The following RNF212 variants were observed in gnomAD, a reference collection of about 807,000 sequenced individuals.
The protein encoded by RNF212 is probable E3 SUMO-protein ligase RNF212.
RNF212 carries 33 observed loss-of-function variants against 34.7 expected under a neutral mutation model. The observed-to-expected ratio is 0.95, with a 90% CI of 0.72 to 1.27. The LOEUF (loss-of-function observed/expected upper bound fraction) is 1.27, where lower values mean the gene tolerates loss of function less well. Ranked by LOEUF, RNF212 falls within the 50% of genes most tolerant of loss-of-function variation. RNF212 has a pLI of 0.00. For missense variants in RNF212, 377 were observed against 362.2 expected (o/e 1.04, Z -0.33); for synonymous variants, 140 against 136.1 (o/e 1.03, Z -0.20).
At position 1,102,738 on chromosome 4, in the gene RNF212, G is replaced by A. The variant is rs555512057; in HGVS notation, c.171+5605C>T. On this transcript the variant is annotated intron_variant, in intron 2 of 9. Transcript: ENST00000433731. ...GTGGTGGTGGGCCCCTGCAGTCCCA[G>A]CTACTCGGGAGGCTGAGGCAGGGGA... is the stretch of plus-strand genomic sequence containing the variant. 9.8e-4 allele frequency among the ~76,000 whole-genome samples: 149 copies of A among 151,288 alleles called. 1 individual carries two copies. Among genetic ancestry groups the A allele is most frequent in the African/African-American group, 3.6e-3 (146 of 41,040 alleles).
intron 2 of RNF212, among the ~76,000 whole-genome samples, chr4:1,098,399 G>T (rs1350355006): frequency 2.0e-5 from 3 of 152,236 alleles, no homozygotes; most frequent in African/African-American, 7.2e-5. Context: ...GCCTGGGGCA[G>T]GTGCAGATGA....
intron 8 of RNF212, among the ~76,000 whole-genome samples, chr4:1,077,698 A>G (rs984130926): frequency 1.1e-4 from 17 of 152,202 alleles, no homozygotes; most frequent in Non-Finnish European, 2.4e-4. Context: ...GGACAGCTGG[A>G]AGCAGGTGTC....
chr4:1,099,211 G>A (rs975393420), intron 2 of RNF212, among the ~76,000 whole-genome samples: 17 of 152,206 alleles, frequency 1.1e-4, no homozygotes, highest in African/African-American at 4.1e-4. Context: ...GTGCTAAGAT[G>A]CATTCACTTT....
At chr4:1,060,121 G>T (rs1002545475) in intron 3 of RNF212, among the ~76,000 whole-genome samples, 175 of 134,472 alleles carry the variant, frequency 1.3e-3, no homozygotes, top group African/African-American at 4.8e-3. Flanking sequence ...AAAGAAAAAA[G>T]AAATTGTTTC....
At chr4:1,093,539 G>GCTGCCCAGGCTGGTGCCAGCC in intron 3 of RNF212, 1 of 1,531,370 alleles carries the variant, frequency 6.5e-7, no homozygotes, top group Non-Finnish European at 8.7e-7. Flanking sequence ...CAGAGCCTGT[G>GCTGCCCAGGCTGGTGCCAGCC]ACCTCCACGG....
intron 4 of RNF212, among the ~76,000 whole-genome samples, chr4:1,057,417 C>G (rs1717401946): frequency 6.6e-6 from 1 of 152,162 alleles, no homozygotes; most frequent in Admixed American, 6.5e-5. Context: ...CTTAAATATG[C>G]AGCAGACGGA....
At chr4:1,086,103 C>T in intron 4 of RNF212, 149 bp from the exon 5 acceptor site, 1 of 675,678 alleles carries the variant, frequency 1.5e-6, no homozygotes. Flanking sequence ...GCCTGGAGTT[C>T]CGCCCATCAG....
Position 1,090,788 on chromosome 4 carries a change from T to C in RNF212, c.297A>G (p.Arg99=). Residue 99 remains arginine, a synonymous_variant, in exon 4 of 10, where the codon AGA becomes AGG. Transcript: ENST00000433731. ...KHRKRLLAFY[R]EKISRLEESL... ...ATGAATCAATTCCACTTACCTTTTCTCTATAGAAGGCTAACAATCTCTTCC... is the reference window on the plus strand; with the variant it reads ...ATGAATCAATTCCACTTACCTTTTCCCTATAGAAGGCTAACAATCTCTTCC... 1 of 1,568,002 alleles carries C rather than the reference T, an allele frequency of 6.4e-7. No individual in the cohort carries two copies. Among genetic ancestry groups the C allele is most frequent in the Non-Finnish European group, 8.8e-7 (1 of 1,139,914 alleles).
chr4:1,056,885 G>A (rs61746178), intron 4 of RNF212: 370 of 988,016 alleles, frequency 3.7e-4, no homozygotes, highest in Middle Eastern at 5.6e-4. Flanking sequence ...GGGCGGCCGG[G>A]GGGGCAGCCT....
In RNF212 at chr4:1,073,667, G is replaced by T. The variant is rs761912609; in HGVS notation, c.511-5C>A. 6.2e-7 allele frequency: 1 copy of T among 1,606,762 alleles called. No individual in the cohort carries two copies. Among genetic ancestry groups the T allele is most frequent in the Non-Finnish European group, 8.5e-7 (1 of 1,173,856 alleles). On this transcript the variant is annotated splice_region_variant and splice_polypyrimidine_tract_variant and intron_variant, in intron 8 of 9. Coordinates refer to ENST00000433731, the MANE Select transcript of RNF212 (RefSeq NM_001131034.4). ...AGGGCCGGCTGCTATCTCAGACTAA[G>T]AATGCAACAAGAAAACAATGGGTAA...
intron 2 of RNF212, among the ~76,000 whole-genome samples, chr4:1,106,292 TCACTCAGA>T (rs1724829442): frequency 7.9e-6 from 1 of 126,848 alleles, no homozygotes; most frequent in Non-Finnish European, 1.7e-5. Context: ...ACACACACAG[TCACTCAGA>T]CACAGAGAAA....
intron 8 of RNF212, among the ~76,000 whole-genome samples, chr4:1,074,263 G>C (rs1393060656): frequency 1.3e-5 from 2 of 152,168 alleles, no homozygotes; most frequent in African/African-American, 4.8e-5. Context: ...GTGCGACCTG[G>C]GGGCATGGCA....
intron 2 of RNF212, among the ~76,000 whole-genome samples, chr4:1,098,326 TGAA>T (rs1328021373): frequency 6.6e-6 from 1 of 152,186 alleles, no homozygotes; most frequent in Non-Finnish European, 1.5e-5. Flanking sequence ...TTGACCAGAC[TGAA>T]GAATTCTAGA....
At chr4:1,103,074 T>C (rs1159324881) in intron 2 of RNF212, among the ~76,000 whole-genome samples, 1 of 152,080 alleles carries the variant, frequency 6.6e-6, no homozygotes, top group Non-Finnish European at 1.5e-5. Flanking sequence ...AGAGGCATCA[T>C]TATGGAACTT....
At chr4:1,085,852 G>C (rs369580247) in intron 5 of RNF212, 44 bp downstream of exon 5, 26 of 1,373,998 alleles carry the variant, frequency 1.9e-5, no homozygotes, top group South Asian at 2.3e-5. Context: ...GCACATGGCA[G>C]TGGGTGCCTC....
intron 2 of RNF212, among the ~76,000 whole-genome samples, chr4:1,097,466 G>A (rs1264023287): frequency 2.0e-5 from 3 of 152,036 alleles, no homozygotes; most frequent in Non-Finnish European, 2.9e-5. Context: ...TTAGCCGGGC[G>A]TGGTGACGGG....
At chr4:1,101,587 A>C (rs62294755) in intron 2 of RNF212, 7,294 of 160,974 alleles carry the variant, frequency 0.045, 189 homozygotes, top group Middle Eastern at 0.071. Context: ...AGTTATGGTC[A>C]ATAGTTATAG....
chr4:1,070,098 T>C (rs889394010), downstream of RNF212, among the ~76,000 whole-genome samples: 10 of 139,312 alleles, frequency 7.2e-5, no homozygotes, highest in African/African-American at 2.5e-4. Context: ...TTCCTAGGAC[T>C]GTGCTGTGTC....
At chr4:1,093,917 G>A (rs1560139813) in intron 3 of RNF212, 4 of 1,536,120 alleles carry the variant, frequency 2.6e-6, no homozygotes, top group Non-Finnish European at 3.5e-6. Context: ...ATCTCTGGCT[G>A]CTGCTTGGCT....
Sources: gnomAD v4.1 joint callset for allele counts (sites outside exome capture counted in the v4.1 genomes callset) on GRCh38, gnomAD v4.1.1 for gene constraint, MANE v1.5 for transcripts, NCBI Gene and HGNC (gene_info 2026-07-23, HGNC 2026-07-21) for gene names.